The following SSBP2 variants were observed in gnomAD, a reference collection of about 807,000 sequenced individuals.
SSBP2 encodes single stranded DNA binding protein 2.
A neutral mutation model predicts 61.8 loss-of-function variants in SSBP2; 17 were observed. The ratio of observed to expected loss-of-function variants is 0.28; its 90% CI spans 0.19 to 0.41. The LOEUF (loss-of-function observed/expected upper bound fraction) is 0.41. SSBP2 is among the 10% of genes least tolerant of loss of function. The probability of loss-of-function intolerance (pLI) is 1.00; values close to 1 mark genes in which losing one functional copy is unlikely to be tolerated. For missense variants in SSBP2, 310 were observed against 458.7 expected (o/e 0.68, Z 2.96); for synonymous variants, 139 against 141.3 (o/e 0.98, Z 0.12).
In SSBP2 at chr5:81,646,263, T is replaced by C. The variant is rs1749257453; in HGVS notation, c.135+4004A>G. On this transcript the variant is annotated intron_variant, in intron 2 of 16. Transcript: ENST00000320672. ...ATCTATCCAGAGGAAGAATGTCAAA[T>C]TTGGAAGAAGTGGTCTACTTCTCCT... 1.3e-5 allele frequency among the ~76,000 whole-genome samples: 2 copies of C among 152,152 alleles called. 1 individual carries two copies. Among genetic ancestry groups the C allele is most frequent in the South Asian group, 4.1e-4 (2 of 4,832 alleles).
intron 13 of SSBP2, among the ~76,000 whole-genome samples, chr5:81,441,658 A>G (rs1456725359): frequency 6.6e-6 from 1 of 152,200 alleles, no homozygotes; most frequent in East Asian, 1.9e-4. Flanking sequence ...TGTGAATAAG[A>G]TGGCCTTCTA....
In SSBP2 at chr5:81,555,985, T is replaced by TTTAGATCTGATATTCTAGTG. The variant is rs1425843183; in HGVS notation, c.283-42288_283-42269dup. Among the ~76,000 whole-genome samples, 3 of 152,120 alleles carry TTTAGATCTGATATTCTAGTG rather than the reference T, an allele frequency of 2.0e-5. No homozygotes were observed. In the East Asian group the frequency reaches 5.8e-4, roughly 29 times the overall value. On this transcript the variant is annotated intron_variant, in intron 4 of 16. Transcript: ENST00000320672. ...GGCCTTATAGTCTCTGCTGCAGCCA[T>TTTAGATCTGATATTCTAGTG]TTAGATCTGATATTCTAGTGCAAAA...
At chr5:81,738,235 G>A (rs1161813250) in intron 1 of SSBP2, among the ~76,000 whole-genome samples, 1 of 152,106 alleles carries the variant, frequency 6.6e-6, no homozygotes, top group Non-Finnish European at 1.5e-5. Context: ...TGGTTACACT[G>A]GTGTGTTCAG....
chr5:81,526,792 G>A (rs552690611), intron 4 of SSBP2, among the ~76,000 whole-genome samples: 33 of 151,920 alleles, frequency 2.2e-4, no homozygotes, highest in African/African-American at 8.0e-4. Flanking sequence ...AATCTTGGAG[G>A]TGAAAAAGAC....
chr5:81,696,485 T>C (rs1753611279), intron 1 of SSBP2, among the ~76,000 whole-genome samples: 1 of 152,060 alleles, frequency 6.6e-6, no homozygotes, highest in African/African-American at 2.4e-5. Flanking sequence ...GGTATGGAAG[T>C]TGGGGGTGGG....
At chr5:81,572,868 C>A (rs949441784) in intron 4 of SSBP2, among the ~76,000 whole-genome samples, 3 of 152,116 alleles carry the variant, frequency 2.0e-5, no homozygotes, top group African/African-American at 7.2e-5. Flanking sequence ...TGTTGAACAT[C>A]ATGTGAACTA....
chr5:81,732,861 T>A (rs138273788), intron 1 of SSBP2, among the ~76,000 whole-genome samples: 1 of 152,222 alleles, frequency 6.6e-6, no homozygotes, highest in Non-Finnish European at 1.5e-5. Context: ...CCTCACCCGC[T>A]GCTCAGCTAT....
intron 2 of SSBP2, 101 bp downstream of exon 2, chr5:81,650,166 T>C (rs1261755038): frequency 1.3e-6 from 1 of 776,596 alleles, no homozygotes; most frequent in South Asian, 1.9e-5. Context: ...AGGAATTCAC[T>C]ATATAATACA....
chr5:81,440,167 CTG>C (rs10607787), intron 14 of SSBP2, among the ~76,000 whole-genome samples: 48,220 of 151,774 alleles, frequency 0.32, 8,175 homozygotes, highest in African/African-American at 0.41. Flanking sequence ...TCTTCTGAGA[CTG>C]TGTCCACAGA....
chr5:81,693,718 A>G (rs980679943), intron 1 of SSBP2, among the ~76,000 whole-genome samples: 1 of 152,244 alleles, frequency 6.6e-6, no homozygotes, highest in East Asian at 1.9e-4. Flanking sequence ...GAACCCTCGT[A>G]CATTGTTGGT....
chr5:81,581,694 AGGAAGAATAGTCTTGTTCTCCTAAT>A (rs1398824684), intron 4 of SSBP2, among the ~76,000 whole-genome samples: 3 of 152,224 alleles, frequency 2.0e-5, no homozygotes, highest in Non-Finnish European at 4.4e-5. Flanking sequence ...GAAAAAAACT[AGGAAGAATAGTCTTGTTCTCCTAAT>A]GGAGGCTCTG....
intron 1 of SSBP2, among the ~76,000 whole-genome samples, chr5:81,672,062 AAAAG>A (rs1437639724): frequency 2.0e-5 from 3 of 152,188 alleles, no homozygotes; most frequent in African/African-American, 4.8e-5. Flanking sequence ...ATCAATATGC[AAAAG>A]AAAGATTTTG....
At chr5:81,430,810 T>TA (rs758266849) in intron 15 of SSBP2, among the ~76,000 whole-genome samples, 105 of 152,248 alleles carry the variant, frequency 6.9e-4, no homozygotes, top group Non-Finnish European at 1.3e-3. Flanking sequence ...AAAACTGAGA[T>TA]AAAATCAGAT....
chr5:81,570,077 T>C (rs1339307385), intron 4 of SSBP2, among the ~76,000 whole-genome samples: 3 of 152,214 alleles, frequency 2.0e-5, no homozygotes, highest in African/African-American at 7.2e-5. Flanking sequence ...AATTAAGTGA[T>C]ATACTACTTG....
chr5:81,510,670 A>G (rs974407794), intron 5 of SSBP2, among the ~76,000 whole-genome samples: 3 of 152,054 alleles, frequency 2.0e-5, no homozygotes, highest in Admixed American at 2.0e-4. Context: ...CTGTGGCAGG[A>G]GACTCGCTTG....
chr5:81,657,377 T>A (rs902098244), intron 1 of SSBP2, among the ~76,000 whole-genome samples: 2 of 152,222 alleles, frequency 1.3e-5, no homozygotes, highest in African/African-American at 2.4e-5. Context: ...GGGAAATATA[T>A]TTTTGCAAAA....
chr5:81,670,616 G>GT (rs1353593777), intron 1 of SSBP2, among the ~76,000 whole-genome samples: 1 of 152,058 alleles, frequency 6.6e-6, no homozygotes, highest in Non-Finnish European at 1.5e-5. Context: ...GCTTTCTAAA[G>GT]TTTTTTTCCT....
intron 2 of SSBP2, among the ~76,000 whole-genome samples, chr5:81,643,401 T>A (rs539426588): frequency 6.6e-6 from 1 of 152,052 alleles, no homozygotes; most frequent in Non-Finnish European, 1.5e-5. Context: ...TAAAACCAAT[T>A]CCTGTGTTAA....
intron 16 of SSBP2, among the ~76,000 whole-genome samples, chr5:81,424,592 G>A (rs186450018): frequency 5.3e-5 from 8 of 152,134 alleles, no homozygotes; most frequent in Admixed American, 4.6e-4. Context: ...CATATGCAAC[G>A]TGCTATTTAC....
Sources: gnomAD v4.1 joint callset for allele counts (sites outside exome capture counted in the v4.1 genomes callset) on GRCh38, gnomAD v4.1.1 for gene constraint, MANE v1.5 for transcripts, NCBI Gene and HGNC (gene_info 2026-07-23, HGNC 2026-07-21) for gene names.